The following IDUA variants were observed in gnomAD, a reference collection of about 807,000 sequenced individuals.
IDUA encodes iduronidase alpha-L-.
Under a neutral mutation model 68.9 loss-of-function variants are expected in IDUA, and 65 were observed. That is an observed-to-expected ratio of 0.94 (90% CI 0.77 to 1.16). The LOEUF is 1.16. Among genes scored for constraint, IDUA ranks in the 50% most tolerant of loss-of-function variants. The pLI, the probability that IDUA is intolerant of heterozygous loss-of-function variation, is 0.00. For synonymous variants in IDUA, 529 were observed against 433.6 expected (o/e 1.22, Z -2.73); for missense variants, 1,046 against 938.0 (o/e 1.12, Z -1.50).
rs766926909 is a variant in IDUA at position 989,414 on chromosome 4, G to A, written c.299+1465G>A. On this transcript the variant is annotated intron_variant, in intron 2 of 13. Transcript: ENST00000514224. ...CCGATGCGGGCCAGCAGGGCGGTGC[G>A]TGGGCGTTGGGTGCGGCCGGCCAGG... The A allele has an allele frequency of 1.3e-5, 20 of 1,558,758 alleles. No individual in the cohort carries two copies. The highest frequency in any genetic ancestry group is 4.1e-5 in the African/African-American group (3 of 73,468).
In IDUA at chr4:1,003,576, A is replaced by C. The variant is rs1391011315; in HGVS notation, c.1678A>C (p.Thr560Pro). 1.2e-6 allele frequency: 2 copies of C among 1,611,800 alleles called. No homozygotes were observed. The highest frequency in any genetic ancestry group is 1.7e-6 in the Non-Finnish European group (2 of 1,179,676). ...QVTRLRALPL[T>P]QGQLVLVWSD... ...CACGCGGCTCCGCGCCCTGCCCCTG[A>C]CCCAAGGGCAGCTGGTTCTGGTCTG... Residue 560 changes from threonine to proline, a missense_variant, in exon 12 of 14, where the codon ACC (threonine) becomes CCC (proline). By Grantham distance (38) the Thr-to-Pro change is conservative. Transcript: ENST00000514224.
At position 1,002,718 on chromosome 4, in the gene IDUA, C is replaced by A. The variant is rs1715173905; in HGVS notation, c.1190-14C>A. Reference sequence around the variant, plus strand: ...AACGACCCCACGCGGCGACGGCCCCCCCCCGCCCCGCAGATGAGGAGCAGC... The same window carrying A: ...AACGACCCCACGCGGCGACGGCCCCACCCCGCCCCGCAGATGAGGAGCAGC... On this transcript the variant is annotated splice_polypyrimidine_tract_variant and intron_variant, in intron 8 of 13. Coordinates refer to ENST00000514224, the MANE Select transcript of IDUA (RefSeq NM_000203.5). 1.4e-6 allele frequency: 2 copies of A among 1,443,420 alleles called. No individual in the cohort carries two copies. Among genetic ancestry groups the A allele is most frequent in the African/African-American group, 1.5e-5 (1 of 67,344 alleles). The allele number at this position is 1,443,420 out of a possible 1,614,324, so 89.4% of individuals were successfully genotyped here. A position where few individuals can be genotyped will look rare whatever the true frequency, so the allele number is the denominator to read the frequency against.
intron 2 of IDUA, among the ~76,000 whole-genome samples, chr4:998,234 G>A (rs2153020800): frequency 6.6e-6 from 1 of 152,250 alleles, no homozygotes; most frequent in South Asian, 2.1e-4. Context: ...AGGCGGGGCG[G>A]AGCAGGAGCC....
intron 2 of IDUA, among the ~76,000 whole-genome samples, chr4:992,552 C>G (rs967187973): frequency 2.6e-5 from 4 of 152,180 alleles, no homozygotes; most frequent in East Asian, 1.9e-4. Flanking sequence ...GGGTGACTGG[C>G]GTCTGTCTCC....
At chr4:988,293 C>T (rs1490224539) in intron 2 of IDUA, 2 of 1,148,990 alleles carry the variant, frequency 1.7e-6, no homozygotes, top group Non-Finnish European at 2.2e-6. Flanking sequence ...TCATCGGTCA[C>T]AGCACCCTGG....
chr4:1,000,804 C>A, intron 3 of IDUA, 78 bp from the exon 4 acceptor site: 1 of 1,501,672 alleles, frequency 6.7e-7, no homozygotes, highest in Non-Finnish European at 9.3e-7. Flanking sequence ...CAGGGCTGGC[C>A]TTGGTGCCGG....
At chr4:1,001,424 G>T in intron 4 of IDUA, 44 bp from the exon 5 acceptor site, 1 of 1,539,560 alleles carries the variant, frequency 6.5e-7, no homozygotes, top group Non-Finnish European at 9.0e-7. Context: ...AGTCACTGAG[G>T]CGAGATTCAC....
At chr4:999,065 C>T (rs569404358) in intron 2 of IDUA, among the ~76,000 whole-genome samples, 105 of 152,068 alleles carry the variant, frequency 6.9e-4, no homozygotes, top group African/African-American at 9.2e-4. Flanking sequence ...ATTAGCCGGG[C>T]GTGGTGGCGG....
chr4:994,402 A>G (rs1334751862), intron 2 of IDUA, among the ~76,000 whole-genome samples: 1 of 151,262 alleles, frequency 6.6e-6, no homozygotes, highest in Non-Finnish European at 1.5e-5. Flanking sequence ...CAGCCTCCTG[A>G]GTAGCTGGGA....
At chr4:998,952 G>GA (rs1714905863) in intron 2 of IDUA, among the ~76,000 whole-genome samples, 1 of 152,032 alleles carries the variant, frequency 6.6e-6, no homozygotes, top group Non-Finnish European at 1.5e-5. Context: ...AGGGATCCTT[G>GA]AAAAATGCTC....
chr4:992,136 C>T (rs929295087), intron 2 of IDUA: 6 of 482,044 alleles, frequency 1.2e-5, no homozygotes, highest in South Asian at 6.2e-5. Flanking sequence ...TGCCACCACG[C>T]ACATGTGCCT....
chr4:989,679 G>A (rs1460101419), intron 2 of IDUA: 4 of 1,569,830 alleles, frequency 2.5e-6, no homozygotes, highest in Non-Finnish European at 3.5e-6. Flanking sequence ...GCACCACGGT[G>A]GCGCTGACCA....
chr4:988,498 T>G, intron 2 of IDUA: 1 of 1,136,620 alleles, frequency 8.8e-7, no homozygotes, highest in Non-Finnish European at 1.1e-6. Context: ...GGCTGCATGA[T>G]GGCGGGGGAC....
In IDUA at chr4:1,003,549, G is replaced by C. The variant is rs778877259; in HGVS notation, c.1651G>C (p.Val551Leu). The C allele has an allele frequency of 3.7e-6, 6 of 1,611,520 alleles. No homozygotes were observed. In the Admixed American group the frequency reaches 8.3e-5, roughly 22 times the overall value. ...CARPEKPPGQVTRLRALPLTQ... is the reference protein window; with the variant it reads ...CARPEKPPGQLTRLRALPLTQ... ...CCATCACAGCCCTTCCCTCCCCCAG[G>C]TCACGCGGCTCCGCGCCCTGCCCCT... The change falls in exon 12 of 14, where the codon GTC becomes CTC. Residue 551 changes from valine (V) to leucine (L), a missense_variant and splice_region_variant. Transcript: ENST00000514224.
In IDUA at chr4:990,095, C is replaced by T. The variant is rs369252520; in HGVS notation, c.299+2146C>T. ...ACCCTCAGGCGGTGTCGGTAGCGGT[C>T]TGAGAGCTCCTTCGCGGCTAGCAGC... On this transcript the variant is annotated intron_variant, in intron 2 of 13. Transcript: ENST00000514224. The T allele has an allele frequency of 1.1e-5, 17 of 1,594,908 alleles. No homozygotes were observed. The highest frequency in any genetic ancestry group is 1.4e-5 in the Non-Finnish European group (17 of 1,172,758).
chr4:989,944 A>C lies in IDUA; in HGVS notation c.299+1995A>C. Reference sequence around the variant, plus strand: ...ACGCTGCATCAGCCTGGGCTCTGGGACCTGAGGGGGCATGAAACCCGTGGG... The same window carrying C: ...ACGCTGCATCAGCCTGGGCTCTGGGCCCTGAGGGGGCATGAAACCCGTGGG... On this transcript the variant is annotated intron_variant, in intron 2 of 13. Transcript: ENST00000514224. The C allele has an allele frequency of 2.6e-6, 4 of 1,556,164 alleles. No homozygotes were observed. The East Asian group carries it at 9.6e-5, about 37-fold the overall frequency.
In IDUA at chr4:1,001,868, C is replaced by T. The variant is rs1715102531; in HGVS notation, c.779C>T (p.Ser260Phe). The T allele has an allele frequency of 1.9e-6, 3 of 1,589,564 alleles. No individual in the cohort carries two copies. The South Asian group carries it at 3.4e-5, about 18-fold the overall frequency. The part of the protein sequence containing the change: ...GEAGVRLDYI[S>F]LHRKGARSSI... ...GCGGGCGTGCGGCTGGACTACATCT[C>T]CCTCCACAGGAAGGTGCGCCCTGCC... is the stretch of plus-strand genomic sequence containing the variant. Residue 260 changes from serine to phenylalanine, a missense_variant, in exon 6 of 14, where the codon TCC becomes TTC. Coordinates refer to ENST00000514224, the MANE Select transcript of IDUA (RefSeq NM_000203.5).
intron 2 of IDUA, among the ~76,000 whole-genome samples, chr4:999,020 T>A (rs55796339): frequency 4.6e-5 from 7 of 151,692 alleles, no homozygotes; most frequent in South Asian, 4.2e-4. Context: ...CTGGCTAACA[T>A]GGTGAAACTC....
At chr4:991,449 C>G (rs147094131) in intron 2 of IDUA, 8 of 1,612,602 alleles carry the variant, frequency 5.0e-6, no homozygotes, top group Non-Finnish European at 3.4e-6. Context: ...CGATGGCCTG[C>G]GGCACCAGGA....
Sources: gnomAD v4.1 joint callset for allele counts (sites outside exome capture counted in the v4.1 genomes callset) on GRCh38, gnomAD v4.1.1 for gene constraint, MANE v1.5 for transcripts, NCBI Gene and HGNC (gene_info 2026-07-23, HGNC 2026-07-21) for gene names.